Variants in SCP2 observed in about 807,000 individuals in gnomAD.
SCP2 encodes sterol carrier protein 2.
In SCP2, 48 loss-of-function variants were observed where a neutral mutation model predicts 71.4. That is an observed-to-expected ratio of 0.67 (90% CI 0.53 to 0.86). SCP2 has a LOEUF of 0.86. Ranked by LOEUF, SCP2 falls within the 40% of genes least tolerant of loss-of-function variation. The pLI is 0.00. For missense variants in SCP2, 560 were observed against 655.6 expected (o/e 0.85, Z 1.59); for synonymous variants, 220 against 218.1 (o/e 1.01, Z -0.08).
chr1:52,974,713 G>A (rs1008943254), intron 6 of SCP2, 56 bp from the exon 7 acceptor site: 169 of 864,176 alleles, frequency 2.0e-4, no homozygotes, highest in Non-Finnish European at 3.1e-4. Context: ...TGCAAGATTT[G>A]TTAATAAGCA....
intron 11 of SCP2, chr1:52,995,317 A>G (rs1350460015): frequency 4.2e-6 from 2 of 479,548 alleles, no homozygotes; most frequent in Non-Finnish European, 4.2e-6. Context: ...GACCTACTGC[A>G]TTGACAATGA....
intron 6 of SCP2, among the ~76,000 whole-genome samples, chr1:52,972,132 T>C (rs1327460593): frequency 6.6e-6 from 1 of 152,228 alleles, no homozygotes; most frequent in Non-Finnish European, 1.5e-5. Flanking sequence ...TATTTAAAAT[T>C]GCTGTTTGTG....
chr1:52,961,597 G>C lies in SCP2; in HGVS notation c.491G>C (p.Gly164Ala). The change falls in exon 6 of 16, where the codon GGG (glycine) becomes GCG (alanine). Residue 164 changes from glycine (G) to alanine (A), a missense_variant. By Grantham distance (60) the Gly-to-Ala change is moderately conservative. Transcript: ENST00000371514. ...CACCCAGTTGCTCCTCAGATGTTTG[G>C]GTATGCTGGAAAAGAACATATGGAA... ...SAHPVAPQMF[G>A]YAGKEHMEKY... 1 of 1,613,702 alleles carries C rather than the reference G, an allele frequency of 6.2e-7. No individual in the cohort carries two copies. The highest frequency in any genetic ancestry group is 2.2e-5 in the East Asian group (1 of 44,842).
intron 11 of SCP2, among the ~76,000 whole-genome samples, chr1:53,004,106 G>T (rs1171896459): frequency 6.6e-6 from 1 of 152,192 alleles, no homozygotes; most frequent in Non-Finnish European, 1.5e-5. Context: ...TAACGGGTGG[G>T]TGGGATGTAC....
intron 6 of SCP2, among the ~76,000 whole-genome samples, chr1:52,965,691 A>G (rs886229190): frequency 2.6e-5 from 4 of 151,878 alleles, no homozygotes; most frequent in African/African-American, 9.7e-5. Flanking sequence ...CTGGAGTGCA[A>G]TGGCATGATC....
Position 52,961,578 on chromosome 1 carries a change from G to A in SCP2, c.472G>A (p.Val158Ile), listed in dbSNP as rs1572095157. 1 of 1,613,748 alleles carries A rather than the reference G, an allele frequency of 6.2e-7. No individual in the cohort carries two copies. Among genetic ancestry groups the A allele is most frequent in the Non-Finnish European group, 8.5e-7 (1 of 1,179,750 alleles). ...INKYGLSAHP[V>I]APQMFGYAGK... ...TAAGTATGGATTGTCTGCTCACCCAGTTGCTCCTCAGATGTTTGGGTATGC... is the reference window on the plus strand; with the variant it reads ...TAAGTATGGATTGTCTGCTCACCCAATTGCTCCTCAGATGTTTGGGTATGC... Residue 158 changes from valine to isoleucine, a missense_variant, in exon 6 of 16, where the codon GTT becomes ATT. Physicochemically the swap from Val to Ile is conservative, Grantham distance 29. Coordinates refer to ENST00000371514, the MANE Select transcript of SCP2 (RefSeq NM_002979.5).
chr1:52,940,041 A>G (rs997921611), intron 1 of SCP2, among the ~76,000 whole-genome samples: 8 of 152,152 alleles, frequency 5.3e-5, no homozygotes, highest in African/African-American at 1.9e-4. Flanking sequence ...ATTTGATGTC[A>G]GTGTTTTGGA....
At chr1:52,983,228 G>T (rs569519395) in intron 10 of SCP2, among the ~76,000 whole-genome samples, 1 of 152,286 alleles carries the variant, frequency 6.6e-6, no homozygotes, top group African/African-American at 2.4e-5. Flanking sequence ...CTCTGTATGT[G>T]ATGGGCCATT....
chr1:52,993,904 C>A (rs1572157610), intron 11 of SCP2: 1 of 1,423,116 alleles, frequency 7.0e-7, no homozygotes, highest in Non-Finnish European at 9.2e-7. Flanking sequence ...GACACCACTG[C>A]AAATCTTCAG....
chr1:52,961,719 A>G, intron 6 of SCP2, 90 bp downstream of exon 6: 1 of 1,121,060 alleles, frequency 8.9e-7, no homozygotes, highest in Non-Finnish European at 1.4e-6. Context: ...ACTGTGGAGG[A>G]TGCCAGGATA....
chr1:53,024,265 G>C (rs765304815), intron 12 of SCP2, among the ~76,000 whole-genome samples: 1 of 152,116 alleles, frequency 6.6e-6, no homozygotes, highest in African/African-American at 2.4e-5. Context: ...CAAAATTATA[G>C]AGACAGAAAG....
At chr1:53,011,793 C>T (rs1187063997) in intron 11 of SCP2, among the ~76,000 whole-genome samples, 5 of 152,192 alleles carry the variant, frequency 3.3e-5, no homozygotes, top group Non-Finnish European at 5.9e-5. Flanking sequence ...GAAGCCCTCA[C>T]CTTTCCGACA....
chr1:52,990,605 G>T (rs1002258300), intron 11 of SCP2, among the ~76,000 whole-genome samples: 14 of 151,748 alleles, frequency 9.2e-5, no homozygotes, highest in African/African-American at 3.1e-4. Flanking sequence ...GTGGTGGCGG[G>T]CGCCTGCAGT....
intron 13 of SCP2, among the ~76,000 whole-genome samples, chr1:53,030,153 G>C (rs931065594): frequency 6.6e-6 from 1 of 152,268 alleles, no homozygotes; most frequent in African/African-American, 2.4e-5. Flanking sequence ...CTCCCAAAGT[G>C]CTGGGATTAC....
intron 1 of SCP2, among the ~76,000 whole-genome samples, chr1:52,929,197 C>CTTTT (rs11438037): frequency 7.4e-6 from 1 of 135,912 alleles, no homozygotes; most frequent in Non-Finnish European, 1.6e-5. Context: ...CACTGTAACA[C>CTTTT]TTTTTTTTTT....
chr1:53,050,761 TA>T lies in SCP2; in HGVS notation c.*58del. 4 of 1,133,684 alleles carry T rather than the reference TA, an allele frequency of 3.5e-6. No homozygotes were observed. Among genetic ancestry groups the T allele is most frequent in the Non-Finnish European group, 5.4e-6 (4 of 746,050 alleles). 70.2% of individuals were successfully genotyped at this position (1,133,684 alleles called of 1,614,324 possible). ...GATGAGATATATAGATATATATCCA[TA>T]CATTTTATTGTCAGAATTTAGACTG... On this transcript the variant is annotated 3_prime_UTR_variant, in exon 16 of 16. Coordinates refer to ENST00000371514, the MANE Select transcript of SCP2 (RefSeq NM_002979.5).
rs1406368412 is a variant in SCP2, at chr1:52,974,819, T to C, written c.574T>C (p.Ser192Pro). Reference sequence around the variant, plus strand: ...AATTGGATGGAAAAATCATAAACATTCAGTTAATAACCCGTAAGTATTTCA... The same window carrying C: ...AATTGGATGGAAAAATCATAAACATCCAGTTAATAACCCGTAAGTATTTCA... ...AKIGWKNHKH[S>P]VNNPYSQFQD... Residue 192 changes from serine (S) to proline (P), a missense_variant, in exon 7 of 16, where the codon TCA (serine) becomes CCA (proline). Physicochemically the swap from Ser to Pro is moderately conservative, Grantham distance 74. This residue lies in a region of SCP2 where 513 missense variants were observed against 573.1 expected (regional missense o/e 0.90). Coordinates refer to ENST00000371514, the MANE Select transcript of SCP2 (RefSeq NM_002979.5). 1.3e-6 allele frequency: 2 copies of C among 1,498,048 alleles called. No homozygotes were observed. Among genetic ancestry groups the C allele is most frequent in the Non-Finnish European group, 1.9e-6 (2 of 1,074,342 alleles). 92.8% of individuals were successfully genotyped at this position (1,498,048 alleles called of 1,614,324 possible).
chr1:53,050,833 G>A lies in SCP2; in HGVS notation c.*129G>A, dbSNP rs1664156436. On this transcript the variant is annotated 3_prime_UTR_variant, in exon 16 of 16. Coordinates refer to ENST00000371514, the MANE Select transcript of SCP2 (RefSeq NM_002979.5). ...GCGTGGGATAGATTTGTTTCTTAAT[G>A]GGTGTGACCAATCCTGTTTTTCCTA... 1.4e-6 allele frequency: 1 copy of A among 717,952 alleles called. No individual in the cohort carries two copies. Among genetic ancestry groups the A allele is most frequent in the Non-Finnish European group, 2.5e-6 (1 of 404,782 alleles). The allele number at this position is 717,952 out of a possible 1,614,324, so 44.5% of individuals were successfully genotyped here. A position where few individuals can be genotyped will look rare whatever the true frequency, so the allele number is the denominator to read the frequency against.
chr1:52,968,494 A>G (rs1657172195), intron 6 of SCP2, among the ~76,000 whole-genome samples: 1 of 152,088 alleles, frequency 6.6e-6, no homozygotes, highest in Non-Finnish European at 1.5e-5. Flanking sequence ...TAACAGCTTT[A>G]TTGAGGTATA....
Sources: allele counts gnomAD v4.1 joint callset (sites outside exome capture counted in the v4.1 genomes callset), GRCh38; gene constraint gnomAD v4.1.1; regional missense constraint gnomAD v4.1.1; transcripts MANE v1.5; gene names NCBI Gene and HGNC (gene_info 2026-07-23, HGNC 2026-07-21).